The following KDM5A variants were observed in gnomAD, a reference collection of about 807,000 sequenced individuals.
KDM5A encodes the protein lysine demethylase 5A, also known as lysine-specific demethylase 5A.
In KDM5A, 42 loss-of-function variants were observed where a neutral mutation model predicts 193.5. The ratio of observed to expected loss-of-function variants is 0.22; its 90% confidence interval spans 0.17 to 0.28. The LOEUF (loss-of-function observed/expected upper bound fraction) is 0.28. KDM5A is among the 10% of genes least tolerant of loss of function. KDM5A has a pLI of 1.00. For missense variants in KDM5A, 1,692 were observed against 2,055.1 expected (o/e 0.82, Z 3.42); for synonymous variants, 796 against 718.1 (o/e 1.11, Z -1.73).
chr12:383,396 T>C (rs986227342), intron 3 of KDM5A, among the ~76,000 whole-genome samples: 3 of 151,986 alleles, frequency 2.0e-5, no homozygotes, highest in African/African-American at 7.2e-5. Flanking sequence ...TCTGTATTTT[T>C]AGTAGACATA....
intron 19 of KDM5A, among the ~76,000 whole-genome samples, chr12:317,514 ATAC>A (rs1943663716): frequency 6.6e-6 from 1 of 152,224 alleles, no homozygotes; most frequent in Admixed American, 6.5e-5. Flanking sequence ...TCTAAACAAA[ATAC>A]TACTGTGTAT....
intron 19 of KDM5A, among the ~76,000 whole-genome samples, chr12:315,178 G>T (rs889505453): frequency 6.6e-6 from 1 of 152,214 alleles, no homozygotes; most frequent in Non-Finnish European, 1.5e-5. Flanking sequence ...CAAGTGAAAA[G>T]ATTCTTTTCA....
intron 13 of KDM5A, among the ~76,000 whole-genome samples, chr12:330,077 G>GTA (rs1943844091): frequency 7.8e-6 from 1 of 128,466 alleles, no homozygotes; most frequent in Non-Finnish European, 1.6e-5. Flanking sequence ...GTGTGTGTGT[G>GTA]TGTGTGTGTA....
At chr12:372,233 A>G (rs1226868948) in intron 3 of KDM5A, among the ~76,000 whole-genome samples, 1 of 152,232 alleles carries the variant, frequency 6.6e-6, no homozygotes, top group African/African-American at 2.4e-5. Context: ...ATCCATGAGC[A>G]TGGAATATTC....
chr12:388,158 T>C, intron 1 of KDM5A: 1 of 378,098 alleles, frequency 2.6e-6, no homozygotes, highest in Admixed American at 3.4e-5. Flanking sequence ...AAAAACACCT[T>C]TGACCTTGAG....
chr12:386,048 G>A (rs1944634067), intron 1 of KDM5A, 74 bp from the exon 2 acceptor site: 2 of 1,180,370 alleles, frequency 1.7e-6, no homozygotes, highest in East Asian at 2.4e-5. Context: ...CCCTTAAAGG[G>A]GGGTTTTGCC....
chr12:346,453 A>C (rs947567355), intron 10 of KDM5A, among the ~76,000 whole-genome samples: 1 of 152,194 alleles, frequency 6.6e-6, no homozygotes, highest in Non-Finnish European at 1.5e-5. Context: ...TGGCAGAGAC[A>C]CAACAAAAAA....
intron 21 of KDM5A, 96 bp downstream of exon 21, chr12:310,789 T>C: frequency 7.6e-7 from 1 of 1,311,902 alleles, no homozygotes; most frequent in Non-Finnish European, 1.1e-6. Context: ...AAGAATCACT[T>C]GTATAATGGT....
chr12:306,880 C>T (rs1591904627), intron 24 of KDM5A, 66 bp downstream of exon 24: 3 of 1,293,958 alleles, frequency 2.3e-6, no homozygotes, highest in Non-Finnish European at 3.3e-6. Flanking sequence ...TGTTCAATAG[C>T]TTTTTTTTTT....
In KDM5A at chr12:307,952, G is replaced by A; in HGVS notation, c.3432C>T (p.Leu1144=). 1 of 1,614,142 alleles carries A rather than the reference G, an allele frequency of 6.2e-7. No individual in the cohort carries two copies. The part of the protein sequence containing the change: ...EQKEIEAMHS[L]RAANLAKMTM... ...TCATCTTGGCTAGGTTGGCTGCTCTGAGAGAATGCATGGCTTCAATCTCTT... is the reference window on the plus strand; with the variant it reads ...TCATCTTGGCTAGGTTGGCTGCTCTAAGAGAATGCATGGCTTCAATCTCTT... The change falls in exon 23 of 28, where the codon CTC becomes CTT. Residue 1144 remains leucine, a synonymous_variant. Coordinates refer to ENST00000399788, the MANE Select transcript of KDM5A (RefSeq NM_001042603.3). This position sits in a 1 kb window ranked among gnomAD's most constrained non-coding sequence, Gnocchi z 4.3.
intron 24 of KDM5A, among the ~76,000 whole-genome samples, chr12:304,980 T>A (rs74055616): frequency 0.046 from 6,951 of 152,240 alleles, 495 homozygotes; most frequent in East Asian, 0.3. Context: ...TTAGTCACCC[T>A]ATATACAACT....
At chr12:387,286 TTC>T (rs1301745074) in intron 1 of KDM5A, 1 of 368,530 alleles carries the variant, frequency 2.7e-6, no homozygotes, top group Non-Finnish European at 5.2e-6. Context: ...TAAAATTAAA[TTC>T]TGATTGTAAA....
intron 5 of KDM5A, among the ~76,000 whole-genome samples, chr12:362,062 A>C (rs559889584): frequency 6.6e-6 from 1 of 152,320 alleles, no homozygotes; most frequent in South Asian, 2.1e-4. Context: ...TTTGATGCTA[A>C]TCATTCCCAT....
intron 4 of KDM5A, among the ~76,000 whole-genome samples, chr12:364,034 T>C (rs950522789): frequency 1.2e-4 from 19 of 152,176 alleles, no homozygotes; most frequent in Non-Finnish European, 2.6e-4. Context: ...AAGGTATCAC[T>C]ATACAACTAA....
intron 10 of KDM5A, among the ~76,000 whole-genome samples, chr12:337,832 G>A (rs568027626): frequency 2.2e-4 from 33 of 152,112 alleles, no homozygotes; most frequent in African/African-American, 7.0e-4. Flanking sequence ...CAGTAGAGAT[G>A]GGGTTTCACC....
Position 329,012 on chromosome 12 carries a change from T to C in KDM5A, c.1791A>G (p.Gln597=), listed in dbSNP as rs770369961. The C allele has an allele frequency of 5.0e-6, 8 of 1,614,104 alleles. No homozygotes were observed. Among genetic ancestry groups the C allele is most frequent in the East Asian group, 2.2e-5 (1 of 44,904 alleles). The change falls in exon 14 of 28, where the codon CAA becomes CAG. Residue 597 remains glutamine, a synonymous_variant. Transcript: ENST00000399788. ...CTADWLPIGR[Q]CVNHYRRLRR... Reference sequence around the variant, plus strand: ...TTAGGCGTCGGTAATGATTTACACATTGACGTCCAATGGGCAACTGAAAAT... The same window carrying C: ...TTAGGCGTCGGTAATGATTTACACACTGACGTCCAATGGGCAACTGAAAAT...
chr12:355,323 AAT>A, intron 6 of KDM5A, 74 bp from the exon 7 acceptor site: 1 of 816,474 alleles, frequency 1.2e-6, no homozygotes, highest in Non-Finnish European at 2.2e-6. Flanking sequence ...CACTATTTAA[AAT>A]TATTTAAATT....
chr12:309,991 ACT>A, intron 21 of KDM5A, 27 bp from the exon 22 acceptor site: 1 of 1,609,662 alleles, frequency 6.2e-7, no homozygotes, highest in African/African-American at 1.3e-5. Context: ...ACCATTATAA[ACT>A]CTGGTTTTGA....
rs146147467 is a variant in KDM5A at position 291,457 on chromosome 12, T to C, written c.4866+1302A>G. On this transcript the variant is annotated intron_variant, in intron 27 of 27. Transcript: ENST00000399788. ...TCTAGGGTTCTACTTTTGGTTTTGC[T>C]ACTAACTAGCTCTGTAACTTTGGTC... Among the ~76,000 whole-genome samples, 227 of 152,308 alleles carry C rather than the reference T, an allele frequency of 1.5e-3. 3 individuals carry two copies. Among genetic ancestry groups the C allele is most frequent in the Non-Finnish European group, 2.7e-3 (181 of 68,028 alleles).
Sources: allele counts gnomAD v4.1 joint callset (sites outside exome capture counted in the v4.1 genomes callset), GRCh38; gene constraint gnomAD v4.1.1; non-coding constraint Gnocchi (gnomAD v3.1); transcripts MANE v1.5; gene names NCBI Gene and HGNC (gene_info 2026-07-23, HGNC 2026-07-21).